TMEM156: variants seen among roughly 807,000 people sequenced by gnomAD.
The protein encoded by TMEM156 is transmembrane protein 156.
In TMEM156, 28 loss-of-function variants were observed where a neutral mutation model predicts 30.5. The ratio of observed to expected loss-of-function variants is 0.92; its 90% CI spans 0.68 to 1.26. The LOEUF is 1.26. Among genes scored for constraint, TMEM156 ranks in the 50% most tolerant of loss-of-function variants. TMEM156 has a pLI of 0.00. For synonymous variants in TMEM156, 137 were observed against 119.9 expected, an observed-to-expected ratio of 1.14 and a Z score of -0.93; for missense variants, 351 against 340.6, an observed-to-expected ratio of 1.03 and a Z score of -0.24.
intron 1 of TMEM156, among the ~76,000 whole-genome samples, chr4:39,024,070 G>A (rs763901047): frequency 6.6e-6 from 1 of 152,084 alleles, no homozygotes; most frequent in Non-Finnish European, 1.5e-5. Context: ...GAGTCTCGCT[G>A]TTCCGCCCAG....
chr4:38,983,794 G>T (rs980529716), intron 5 of TMEM156, among the ~76,000 whole-genome samples: 5 of 152,152 alleles, frequency 3.3e-5, no homozygotes, highest in African/African-American at 7.2e-5. Context: ...TACAAAGCGT[G>T]CTATGCCTTC....
At chr4:38,999,110 A>ATTTTTTTTTTTTTTTTTT (rs34889728) in intron 1 of TMEM156, among the ~76,000 whole-genome samples, 3 of 106,108 alleles carry the variant, frequency 2.8e-5, no homozygotes, top group Non-Finnish European at 5.8e-5. Context: ...TTATTTATTT[A>ATTTTTTTTTTTTTTTTTT]TTTTTTTTTT....
intron 5 of TMEM156, among the ~76,000 whole-genome samples, chr4:38,985,497 A>G (rs1205528649): frequency 2.0e-5 from 3 of 152,136 alleles, no homozygotes; most frequent in South Asian, 2.1e-4. Flanking sequence ...GCAAATCTCT[A>G]TGTCGCTACT....
Position 38,988,910 on chromosome 4 carries a change from A to T in TMEM156, c.680T>A (p.Leu227Ter). The T allele has an allele frequency of 6.2e-7, 1 of 1,613,800 alleles. No homozygotes were observed. Among genetic ancestry groups the T allele is most frequent in the East Asian group, 2.2e-5 (1 of 44,866 alleles). ...TATTTTGCGGATAGTGAGGATGATC[A>T]AAAATATAAAAACTAATAGAACTAA... ...YILVLLVFIF[L>*]IILTIRKILE... Residue 227 changes from leucine (L) to a stop codon, truncating the protein, a stop_gained, in exon 4 of 7, where the codon TTG becomes TAG. Coordinates refer to ENST00000381938, the MANE Select transcript of TMEM156 (RefSeq NM_024943.3). LOFTEE classifies it high-confidence loss of function.
chr4:39,000,546 T>C lies in TMEM156; in HGVS notation c.89-1637A>G, dbSNP rs147234042. On this transcript the variant is annotated intron_variant, in intron 1 of 6. Transcript: ENST00000381938. ...GTTATAGTAACATCAAATTGTATAG[T>C]ACATATGAAAACACTTTTGAAATTT... is the stretch of plus-strand genomic sequence containing the variant. Among the ~76,000 whole-genome samples, 206 of 152,352 alleles carry C rather than the reference T, an allele frequency of 1.4e-3. 1 individual carries two copies. In the Middle Eastern group the frequency reaches 0.014, roughly 10 times the overall value.
chr4:38,999,590 C>T (rs866026272), intron 1 of TMEM156, among the ~76,000 whole-genome samples: 1 of 152,162 alleles, frequency 6.6e-6, no homozygotes, highest in Admixed American at 6.5e-5. Context: ...TTTCCACAAC[C>T]TTGGTAATTT....
chr4:39,017,332 G>A (rs892609108), intron 1 of TMEM156, among the ~76,000 whole-genome samples: 3 of 151,608 alleles, frequency 2.0e-5, no homozygotes, highest in South Asian at 2.1e-4. Flanking sequence ...CCGCCACCAC[G>A]CCTGGCTAAT....
chr4:38,998,020 A>G (rs1713047257), intron 2 of TMEM156, among the ~76,000 whole-genome samples: 1 of 152,252 alleles, frequency 6.6e-6, no homozygotes, highest in Non-Finnish European at 1.5e-5. Flanking sequence ...AAGAAACTAC[A>G]GATTCACTTA....
At chr4:39,016,030 A>G (rs1714458111) in intron 1 of TMEM156, among the ~76,000 whole-genome samples, 1 of 152,220 alleles carries the variant, frequency 6.6e-6, no homozygotes, top group Non-Finnish European at 1.5e-5. Context: ...ATGGACTAAT[A>G]CATTAACATA....
chr4:39,001,319 A>C (rs1382264224), intron 1 of TMEM156, among the ~76,000 whole-genome samples: 1 of 150,868 alleles, frequency 6.6e-6, no homozygotes, highest in East Asian at 1.9e-4. Flanking sequence ...CCCAGGAGGC[A>C]GATCTTGCAG....
intron 5 of TMEM156, among the ~76,000 whole-genome samples, chr4:38,974,207 CTTTTT>C: frequency 7.5e-6 from 1 of 134,106 alleles, no homozygotes; most frequent in African/African-American, 2.7e-5. Flanking sequence ...TTCTTTCTCT[CTTTTT>C]TTTTTTTTTT....
In TMEM156 at chr4:38,988,930, A is replaced by G; in HGVS notation, c.660T>C (p.Val220=). 1 of 1,612,938 alleles carries G rather than the reference A, an allele frequency of 6.2e-7. No individual in the cohort carries two copies. The highest frequency in any genetic ancestry group is 8.5e-7 in the Non-Finnish European group (1 of 1,179,030). ...TGATCAAAAATATAAAAACTAATAG[A>G]ACTAAAATATACCAAGTGATCTTCA... The part of the protein sequence containing the change: ...CSMKITWYIL[V]LLVFIFLIIL... Residue 220 remains valine (V), a synonymous_variant, in exon 4 of 7, where the codon GTT becomes GTC. Coordinates refer to ENST00000381938, the MANE Select transcript of TMEM156 (RefSeq NM_024943.3).
chr4:38,968,157 AC>A (rs1350219193), intron 6 of TMEM156, among the ~76,000 whole-genome samples: 1 of 152,168 alleles, frequency 6.6e-6, no homozygotes, highest in Non-Finnish European at 1.5e-5. Context: ...GACCAAGGAA[AC>A]CTAGAGTCTC....
chr4:39,021,302 G>A (rs1714850234), intron 1 of TMEM156, among the ~76,000 whole-genome samples: 1 of 151,768 alleles, frequency 6.6e-6, no homozygotes, highest in South Asian at 2.1e-4. Context: ...TATTCAGGGG[G>A]CTGAGGTGGG....
chr4:39,005,711 C>A (rs547560501), intron 1 of TMEM156, among the ~76,000 whole-genome samples: 1 of 152,026 alleles, frequency 6.6e-6, no homozygotes, highest in Non-Finnish European at 1.5e-5. Flanking sequence ...TTTTGCTGTA[C>A]GTAAATTATA....
intron 1 of TMEM156, among the ~76,000 whole-genome samples, chr4:39,010,160 A>G (rs544150702): frequency 2.6e-4 from 40 of 152,144 alleles, no homozygotes; most frequent in Admixed American, 1.5e-3. Flanking sequence ...AAAAAACATG[A>G]AATAAAACAC....
At chr4:39,003,069 C>A (rs904306185) in intron 1 of TMEM156, among the ~76,000 whole-genome samples, 1 of 151,736 alleles carries the variant, frequency 6.6e-6, no homozygotes, top group Admixed American at 6.6e-5. Flanking sequence ...AAAATAATTA[C>A]CCCTACTCAT....
At chr4:39,006,958 CA>C (rs1315516421) in intron 1 of TMEM156, among the ~76,000 whole-genome samples, 1 of 151,248 alleles carries the variant, frequency 6.6e-6, no homozygotes, top group South Asian at 2.1e-4. Context: ...AACAAACAAA[CA>C]AAAAAACAAA....
Position 38,993,918 on chromosome 4 carries a change from G to T in TMEM156, c.439C>A (p.Pro147Thr). 6.2e-7 allele frequency: 1 copy of T among 1,614,078 alleles called. No individual in the cohort carries two copies. The highest frequency in any genetic ancestry group is 8.5e-7 in the Non-Finnish European group (1 of 1,180,000). Residue 147 changes from proline (P) to threonine (T), a missense_variant, in exon 3 of 7, where the codon CCT (proline) becomes ACT (threonine). By Grantham distance (38) the Pro-to-Thr change is conservative (BLOSUM62 -1). Transcript: ENST00000381938. ...PCQHFNFSVAPLVDHLEEYNT... is the reference protein window; with the variant it reads ...PCQHFNFSVATLVDHLEEYNT... ...TATTCCTCCAAGTGGTCAACCAGAG[G>T]AGCTACACTGAAGTTAAAGTGCTGA... is the stretch of plus-strand genomic sequence containing the variant.
Sources: allele counts gnomAD v4.1 joint callset (sites outside exome capture counted in the v4.1 genomes callset), GRCh38; gene constraint gnomAD v4.1.1; transcripts MANE v1.5; gene names NCBI Gene and HGNC (gene_info 2026-07-23, HGNC 2026-07-21).